The following XYLT1 variants were observed in gnomAD, a reference collection of about 807,000 sequenced individuals.
The protein encoded by XYLT1 is beta-D-xylosyltransferase 1.
A neutral mutation model predicts 91.3 loss-of-function variants in XYLT1; 36 were observed. The ratio of observed to expected loss-of-function variants is 0.39; its 90% confidence interval spans 0.30 to 0.52. XYLT1 has a LOEUF of 0.52. XYLT1 is among the 20% of genes least tolerant of loss of function. XYLT1 has a pLI of 0.68. For missense variants in XYLT1, 1,242 were observed against 1,284.5 expected (o/e 0.97, Z 0.51); for synonymous variants, 588 against 532.0 (o/e 1.11, Z -1.45).
chr16:17,393,285 G>A (rs929880563), intron 1 of XYLT1, among the ~76,000 whole-genome samples: 16 of 152,186 alleles, frequency 1.1e-4, no homozygotes, highest in Admixed American at 8.5e-4. Flanking sequence ...TTTACATGAC[G>A]GCATACCTCA....
chr16:17,111,801 A>G (rs1966841413), intron 11 of XYLT1, among the ~76,000 whole-genome samples: 1 of 152,006 alleles, frequency 6.6e-6, no homozygotes, highest in African/African-American at 2.4e-5. Context: ...TTGAGCACAT[A>G]CTCTGTCTCG....
At chr16:17,255,957 A>G (rs1288864519) in intron 3 of XYLT1, among the ~76,000 whole-genome samples, 4 of 152,198 alleles carry the variant, frequency 2.6e-5, no homozygotes, top group African/African-American at 9.6e-5. Flanking sequence ...GCAGTGATCT[A>G]AGATGGCACC....
Position 17,328,590 on chromosome 16 carries a change from A to G in XYLT1, c.402+29422T>C, listed in dbSNP as rs1411754667. Among the ~76,000 whole-genome samples, 4 of 148,710 alleles carry G rather than the reference A, an allele frequency of 2.7e-5. No individual in the cohort carries two copies. In the East Asian group the frequency reaches 5.8e-4, roughly 22 times the overall value. ...AAAAAAAAAAAAGAAGGTGTGATAA[A>G]TAACACTAGGCAAGAAATGCAAGAG... On this transcript the variant is annotated intron_variant, in intron 2 of 11. Transcript: ENST00000261381.
intron 2 of XYLT1, among the ~76,000 whole-genome samples, chr16:17,357,003 C>T (rs577653880): frequency 2.6e-5 from 4 of 151,674 alleles, no homozygotes; most frequent in South Asian, 4.2e-4. Context: ...GGTGAAACCT[C>T]GTCTCTAGAA....
At chr16:17,285,934 G>GT (rs2034133387) in intron 2 of XYLT1, among the ~76,000 whole-genome samples, 1 of 67,814 alleles carries the variant, frequency 1.5e-5, no homozygotes, top group Non-Finnish European at 3.0e-5. Flanking sequence ...GTGTGTGTGA[G>GT]TGAGTGAGAG....
intron 2 of XYLT1, among the ~76,000 whole-genome samples, chr16:17,271,475 C>G (rs2033892661): frequency 6.6e-6 from 1 of 152,138 alleles, no homozygotes; most frequent in South Asian, 2.1e-4. Context: ...GACACACACA[C>G]AGATAGGCAC....
At chr16:17,341,548 T>C (rs1029953013) in intron 2 of XYLT1, among the ~76,000 whole-genome samples, 1 of 152,192 alleles carries the variant, frequency 6.6e-6, no homozygotes, top group Non-Finnish European at 1.5e-5. Context: ...GTACACATAT[T>C]AAATTGGTGC....
At chr16:17,270,080 T>C (rs1293883112) in intron 2 of XYLT1, among the ~76,000 whole-genome samples, 1 of 152,218 alleles carries the variant, frequency 6.6e-6, no homozygotes, top group African/African-American at 2.4e-5. Flanking sequence ...CCCAAAGTGC[T>C]GGGATTACAG....
chr16:17,298,809 G>T (rs1169396347), intron 2 of XYLT1, among the ~76,000 whole-genome samples: 1 of 152,054 alleles, frequency 6.6e-6, no homozygotes, highest in Non-Finnish European at 1.5e-5. Flanking sequence ...TATCCGTCTG[G>T]ATATCCTCAT....
intron 2 of XYLT1, among the ~76,000 whole-genome samples, chr16:17,354,267 C>T (rs1291704875): frequency 6.6e-6 from 1 of 152,150 alleles, no homozygotes; most frequent in Non-Finnish European, 1.5e-5. Flanking sequence ...TCGGCTTCCT[C>T]ATTCTATTAA....
intron 2 of XYLT1, among the ~76,000 whole-genome samples, chr16:17,335,226 C>CA (rs991320867): frequency 2.0e-5 from 3 of 149,324 alleles, no homozygotes; most frequent in Admixed American, 6.6e-5. Flanking sequence ...CTCAAAAAAA[C>CA]AAAAAAACAA....
intron 1 of XYLT1, 95 bp from the exon 2 acceptor site, chr16:17,358,145 T>TTTA: frequency 8.4e-7 from 1 of 1,184,746 alleles, no homozygotes; most frequent in Non-Finnish European, 1.2e-6. Context: ...TTTTTTTTTT[T>TTTA]AAGAGACAGG....
At chr16:17,384,668 C>A (rs2035725515) in intron 1 of XYLT1, among the ~76,000 whole-genome samples, 1 of 151,758 alleles carries the variant, frequency 6.6e-6, no homozygotes. Flanking sequence ...TTCTCACTAC[C>A]AACCCTGCCC....
At chr16:17,139,714 T>C (rs988229282) in intron 7 of XYLT1, among the ~76,000 whole-genome samples, 7 of 152,356 alleles carry the variant, frequency 4.6e-5, no homozygotes, top group African/African-American at 1.4e-4. Context: ...TGTCCTTTCA[T>C]AATGATACAG....
At chr16:17,278,275 G>T (rs979365775) in intron 2 of XYLT1, among the ~76,000 whole-genome samples, 1 of 152,098 alleles carries the variant, frequency 6.6e-6, no homozygotes, top group Admixed American at 6.6e-5. Flanking sequence ...CCGGTGGACC[G>T]CAGTTGTTCA....
chr16:17,207,075 G>A (rs868812564), intron 3 of XYLT1, among the ~76,000 whole-genome samples: 30 of 32,388 alleles, frequency 9.3e-4, no homozygotes, highest in African/African-American at 3.4e-3. Flanking sequence ...TTTTTTTTTT[G>A]AGACAGAGTT....
chr16:17,467,160 G>GC (rs1163153970), intron 1 of XYLT1, among the ~76,000 whole-genome samples: 1 of 152,212 alleles, frequency 6.6e-6, no homozygotes, highest in Non-Finnish European at 1.5e-5. Flanking sequence ...ATGTAGGGCG[G>GC]CAGGCGGGGG....
intron 2 of XYLT1, among the ~76,000 whole-genome samples, chr16:17,322,772 A>G (rs970551275): frequency 1.3e-5 from 2 of 152,102 alleles, no homozygotes; most frequent in Admixed American, 6.5e-5. Context: ...ATAGCATTTC[A>G]CACTTTAAAA....
intron 2 of XYLT1, among the ~76,000 whole-genome samples, chr16:17,282,960 AC>A (rs11392637): frequency 4.6e-5 from 7 of 151,144 alleles, no homozygotes; most frequent in South Asian, 2.1e-4. Flanking sequence ...GCAATAAGTC[AC>A]CCCCCCCAAG....
Sources: gnomAD v4.1 joint callset for allele counts (sites outside exome capture counted in the v4.1 genomes callset) on GRCh38, gnomAD v4.1.1 for gene constraint, MANE v1.5 for transcripts, NCBI Gene and HGNC (gene_info 2026-07-23, HGNC 2026-07-21) for gene names.